CNTNAP2: variants seen among roughly 807,000 people sequenced by gnomAD.
CNTNAP2 encodes contactin associated protein 2.
CNTNAP2 carries 98 observed loss-of-function variants against 155.2 expected under a neutral mutation model. The ratio of observed to expected loss-of-function variants is 0.63; its 90% CI spans 0.54 to 0.75. The LOEUF (loss-of-function observed/expected upper bound fraction) is 0.75, where lower values mean the gene tolerates loss of function less well. CNTNAP2 is among the 30% of genes least tolerant of loss of function. The pLI is 0.00. For synonymous variants in CNTNAP2, 651 were observed against 631.2 expected (o/e 1.03, Z -0.47); for missense variants, 1,727 against 1,688.1 (o/e 1.02, Z -0.40).
intron 12 of CNTNAP2, among the ~76,000 whole-genome samples, chr7:147,618,619 C>A: frequency 6.9e-6 from 1 of 145,394 alleles, no homozygotes; most frequent in African/African-American, 2.7e-5. Flanking sequence ...AGAAAAGAAT[C>A]AGGAAACAGC....
Position 147,830,747 on chromosome 7 carries a change from G to T in CNTNAP2, c.2099-72818G>T, listed in dbSNP as rs527672181. On this transcript the variant is annotated intron_variant, in intron 13 of 23. Coordinates refer to ENST00000361727, the MANE Select transcript of CNTNAP2 (RefSeq NM_014141.6). ...ATCTGCCAGGTGCCATGCTCTGTAC[G>T]CATTACTTCATTCCATACAGCATTC... 6.6e-5 allele frequency among the ~76,000 whole-genome samples: 10 copies of T among 152,238 alleles called. No individual in the cohort carries two copies. The South Asian group carries it at 2.1e-3, about 32-fold the overall frequency.
At chr7:146,770,285 G>A (rs74888397) in intron 1 of CNTNAP2, among the ~76,000 whole-genome samples, 2,500 of 149,930 alleles carry the variant, frequency 0.017, 27 homozygotes, top group Non-Finnish European at 0.025. Context: ...GGAATGTAGC[G>A]AAATGGAATT....
At chr7:147,330,577 G>T (rs183106943) in intron 9 of CNTNAP2, among the ~76,000 whole-genome samples, 1 of 152,156 alleles carries the variant, frequency 6.6e-6, no homozygotes, top group East Asian at 1.9e-4. Context: ...CTAACTCTGG[G>T]TAGTTAGTAT....
chr7:147,789,771 C>T (rs146575761), intron 13 of CNTNAP2, among the ~76,000 whole-genome samples: 2 of 152,296 alleles, frequency 1.3e-5, no homozygotes, highest in African/African-American at 2.4e-5. Flanking sequence ...CTTCATCTTT[C>T]TCCCATGCTG....
intron 1 of CNTNAP2, chr7:146,311,605 T>C (rs1186205461): frequency 6.8e-5 from 1 of 14,610 alleles, no homozygotes; most frequent in Non-Finnish European, 1.5e-4. Flanking sequence ...ACCTTGTCTT[T>C]ACAAAAAAAA....
chr7:146,763,033 G>A (rs1324505304), intron 1 of CNTNAP2, among the ~76,000 whole-genome samples: 1 of 152,104 alleles, frequency 6.6e-6, no homozygotes, highest in African/African-American at 2.4e-5. Context: ...AATTATGGGA[G>A]CTACAATTCA....
intron 3 of CNTNAP2, among the ~76,000 whole-genome samples, chr7:146,924,895 A>G (rs1796574573): frequency 6.6e-6 from 1 of 152,174 alleles, no homozygotes; most frequent in South Asian, 2.1e-4. Flanking sequence ...GAAGGAAAAT[A>G]TTGGCATGCC....
intron 8 of CNTNAP2, among the ~76,000 whole-genome samples, chr7:147,187,125 G>C (rs1802582381): frequency 6.6e-6 from 1 of 152,188 alleles, no homozygotes; most frequent in South Asian, 2.1e-4. Context: ...GGGCTGGGGA[G>C]AAAGAATGAA....
intron 20 of CNTNAP2, among the ~76,000 whole-genome samples, chr7:148,236,114 G>A (rs890177910): frequency 6.6e-6 from 1 of 152,114 alleles, no homozygotes; most frequent in Non-Finnish European, 1.5e-5. Context: ...AACCCAAGGT[G>A]GCTTCTGATC....
intron 13 of CNTNAP2, among the ~76,000 whole-genome samples, chr7:147,681,508 T>G (rs966440541): frequency 5.3e-5 from 8 of 151,904 alleles, no homozygotes; most frequent in Non-Finnish European, 1.2e-4. Flanking sequence ...CAGTGGGTCT[T>G]GTTTTAGAAC....
intron 13 of CNTNAP2, among the ~76,000 whole-genome samples, chr7:147,815,481 A>G (rs1798250016): frequency 1.3e-5 from 2 of 151,980 alleles, no homozygotes; most frequent in Admixed American, 1.3e-4. Context: ...GCCAGCAAAC[A>G]TGGAATCCTT....
intron 1 of CNTNAP2, among the ~76,000 whole-genome samples, chr7:146,629,440 A>AT (rs35622854): frequency 5.3e-5 from 8 of 152,156 alleles, no homozygotes; most frequent in African/African-American, 1.7e-4. Context: ...AAAATATATC[A>AT]TTTTTTAAAA....
intron 21 of CNTNAP2, among the ~76,000 whole-genome samples, chr7:148,273,559 A>G (rs1238473192): frequency 6.6e-6 from 1 of 152,228 alleles, no homozygotes; most frequent in Non-Finnish European, 1.5e-5. Context: ...AGTAATATAA[A>G]ACCGTAATGA....
At chr7:146,576,377 A>G (rs1021679667) in intron 1 of CNTNAP2, among the ~76,000 whole-genome samples, 2 of 152,192 alleles carry the variant, frequency 1.3e-5, no homozygotes, top group Non-Finnish European at 2.9e-5. Flanking sequence ...TGGGGTAGAT[A>G]TGGACATTGT....
At chr7:146,358,821 A>G (rs1179085260) in intron 1 of CNTNAP2, among the ~76,000 whole-genome samples, 1 of 152,218 alleles carries the variant, frequency 6.6e-6, no homozygotes, top group Non-Finnish European at 1.5e-5. Flanking sequence ...TACAAATGAG[A>G]AAGAAAGCCA....
intron 14 of CNTNAP2, among the ~76,000 whole-genome samples, chr7:147,926,217 T>C (rs1457832411): frequency 6.6e-6 from 1 of 152,062 alleles, no homozygotes; most frequent in Non-Finnish European, 1.5e-5. Context: ...GATTAGGAGT[T>C]CCAACAACTC....
At position 147,370,047 on chromosome 7, in the gene CNTNAP2, C is replaced by G. The variant is rs78457725; in HGVS notation, c.1499-25562C>G. ...AGAAATTCTGTCCCTTGCCTCTCCC[C>G]AAACACAGTAACATCTTCCGTATTT... is the stretch of plus-strand genomic sequence containing the variant. On this transcript the variant is annotated intron_variant, in intron 9 of 23. Transcript: ENST00000361727. Among the ~76,000 whole-genome samples, 20 of 152,306 alleles carry G rather than the reference C, an allele frequency of 1.3e-4. 1 individual carries two copies. In the East Asian group the frequency reaches 3.9e-3, roughly 29 times the overall value.
At chr7:146,382,873 A>G (rs969931684) in intron 1 of CNTNAP2, among the ~76,000 whole-genome samples, 19 of 152,296 alleles carry the variant, frequency 1.2e-4, no homozygotes, top group African/African-American at 4.3e-4. Context: ...TTTAAAAAAT[A>G]TCAAACCATA....
At chr7:148,025,546 T>G (rs1339911419) in intron 15 of CNTNAP2, among the ~76,000 whole-genome samples, 1 of 152,204 alleles carries the variant, frequency 6.6e-6, no homozygotes, top group African/African-American at 2.4e-5. Flanking sequence ...CTATACTCAA[T>G]GCATTGACTT....
Sources: allele counts gnomAD v4.1 joint callset (sites outside exome capture counted in the v4.1 genomes callset), GRCh38; gene constraint gnomAD v4.1.1; transcripts MANE v1.5; gene names NCBI Gene and HGNC (gene_info 2026-07-23, HGNC 2026-07-21).